SNX29: variants seen among roughly 807,000 people sequenced by gnomAD.
SNX29 encodes sorting nexin 29, also known as sorting nexin-29.
SNX29 carries 78 observed loss-of-function variants against 102.1 expected under a neutral mutation model. The observed-to-expected ratio is 0.76, with a 90% CI of 0.64 to 0.92. The LOEUF is 0.92. SNX29 is among the 40% of genes least tolerant of loss of function. The pLI, the probability that SNX29 is intolerant of heterozygous loss-of-function variation, is 0.00. For synonymous variants in SNX29, 580 were observed against 414.5 expected, an observed-to-expected ratio of 1.40 and a Z score of -4.85; for missense variants, 1,280 against 1,061.7, an observed-to-expected ratio of 1.21 and a Z score of -2.86.
intron 20 of SNX29, among the ~76,000 whole-genome samples, chr16:12,540,210 A>C (rs1172754336): frequency 3.3e-5 from 5 of 152,144 alleles, no homozygotes; most frequent in African/African-American, 9.7e-5. Context: ...GATTGGGTCA[A>C]GGTTAACCTA....
chr16:12,411,461 C>G (rs139765921), intron 18 of SNX29, among the ~76,000 whole-genome samples: 195 of 152,348 alleles, frequency 1.3e-3, no homozygotes, highest in African/African-American at 4.4e-3. Context: ...TAGGTGAAAA[C>G]AGAAAGCCAA....
intron 3 of SNX29, among the ~76,000 whole-genome samples, chr16:12,003,400 G>C (rs1007103606): frequency 2.0e-5 from 3 of 152,174 alleles, no homozygotes; most frequent in African/African-American, 7.2e-5. Flanking sequence ...ATAAAATATA[G>C]TGCATTAATG....
At chr16:12,425,959 G>C (rs1047026611) in intron 18 of SNX29, among the ~76,000 whole-genome samples, 1 of 152,142 alleles carries the variant, frequency 6.6e-6, no homozygotes, top group Admixed American at 6.5e-5. Flanking sequence ...CCATCACCCA[G>C]CCACAGCCTG....
rs562762628 is a variant in SNX29, at chr16:12,284,514, T to A, written c.1782+6478T>A. Reference sequence around the variant, plus strand: ...TATGTCCAAATGCTTTGCCCTGGTTTTGGTTCAGGGCTGGGTACATGACCT... The same window carrying A: ...TATGTCCAAATGCTTTGCCCTGGTTATGGTTCAGGGCTGGGTACATGACCT... On this transcript the variant is annotated intron_variant, in intron 15 of 20. Coordinates refer to ENST00000566228, the MANE Select transcript of SNX29 (RefSeq NM_032167.5). 3.9e-5 allele frequency among the ~76,000 whole-genome samples: 6 copies of A among 152,314 alleles called. No homozygotes were observed. In the South Asian group the frequency reaches 6.2e-4, roughly 16 times the overall value.
chr16:12,327,183 T>C (rs1447250023), intron 15 of SNX29, among the ~76,000 whole-genome samples: 3 of 152,132 alleles, frequency 2.0e-5, no homozygotes, highest in Non-Finnish European at 4.4e-5. Flanking sequence ...GTGTCAGTCA[T>C]GTTACTGTCT....
chr16:12,299,414 T>A (rs76241936), intron 15 of SNX29, among the ~76,000 whole-genome samples: 2,631 of 152,290 alleles, frequency 0.017, 97 homozygotes, highest in African/African-American at 0.06. Flanking sequence ...ATGGACGGTG[T>A]TTAGTTTGAT....
intron 18 of SNX29, among the ~76,000 whole-genome samples, chr16:12,452,105 G>A (rs1013306307): frequency 2.0e-4 from 30 of 152,164 alleles, no homozygotes; most frequent in African/African-American, 7.2e-4. Flanking sequence ...CCCACCCTGA[G>A]GGATTATCAT....
Position 12,161,362 on chromosome 16 carries a change from G to A in SNX29, c.1595+31604G>A, listed in dbSNP as rs534853173. ...GACCTCTGACTTATGGTTGGCTTTG[G>A]CCCATGTGGTCACTGGGAAGCTCTG... On this transcript the variant is annotated intron_variant, in intron 13 of 20. Coordinates refer to ENST00000566228, the MANE Select transcript of SNX29 (RefSeq NM_032167.5). Among the ~76,000 whole-genome samples, 11 of 152,280 alleles carry A rather than the reference G, an allele frequency of 7.2e-5. No homozygotes were observed. In the East Asian group the frequency reaches 1.9e-3, roughly 27 times the overall value.
intron 13 of SNX29, among the ~76,000 whole-genome samples, chr16:12,180,777 G>A (rs932423544): frequency 1.3e-5 from 2 of 152,108 alleles, no homozygotes; most frequent in African/African-American, 4.8e-5. Flanking sequence ...GAGCCACCTC[G>A]CCTGGCCCGT....
At chr16:12,533,162 C>G (rs1004883588) in intron 20 of SNX29, among the ~76,000 whole-genome samples, 1 of 152,242 alleles carries the variant, frequency 6.6e-6, no homozygotes. Flanking sequence ...CAGGGCCTCT[C>G]TCTGAACAAA....
intron 19 of SNX29, among the ~76,000 whole-genome samples, chr16:12,486,828 A>G (rs1489809463): frequency 1.3e-5 from 2 of 152,166 alleles, no homozygotes; most frequent in Non-Finnish European, 2.9e-5. Flanking sequence ...TAGAGTTGGG[A>G]GTGCTGCCCT....
chr16:11,977,130 G>C (rs552294682), intron 1 of SNX29: 15 of 333,476 alleles, frequency 4.5e-5, no homozygotes, highest in African/African-American at 1.9e-4. Flanking sequence ...CCAGTTCTGA[G>C]ACCTCCCAGG....
intron 15 of SNX29, among the ~76,000 whole-genome samples, chr16:12,309,475 G>C (rs2080459669): frequency 6.6e-6 from 1 of 152,112 alleles, no homozygotes; most frequent in African/African-American, 2.4e-5. Context: ...TGGCCCCTCT[G>C]TCTCATTTTT....
intron 4 of SNX29, among the ~76,000 whole-genome samples, chr16:12,038,082 T>C (rs1268168896): frequency 6.6e-6 from 1 of 152,238 alleles, no homozygotes; most frequent in Non-Finnish European, 1.5e-5. Context: ...GCACCAATTA[T>C]ATGCCAGGTA....
chr16:12,278,295 T>G (rs567167043), intron 15 of SNX29, among the ~76,000 whole-genome samples: 1 of 152,280 alleles, frequency 6.6e-6, no homozygotes, highest in Non-Finnish European at 1.5e-5. Flanking sequence ...TGTGTAACAT[T>G]AAAAATAAAA....
intron 14 of SNX29, 69 bp downstream of exon 14, chr16:12,199,752 A>G (rs551545038): frequency 4.5e-5 from 57 of 1,271,752 alleles, no homozygotes; most frequent in Non-Finnish European, 6.2e-5. Context: ...CGTGGCACGC[A>G]ATAGACACTC....
At chr16:12,456,506 C>T (rs943581228) in intron 18 of SNX29, among the ~76,000 whole-genome samples, 11 of 148,948 alleles carry the variant, frequency 7.4e-5, no homozygotes, top group Non-Finnish European at 1.2e-4. Context: ...CATGTGTGCA[C>T]GTGTGTGTGT....
At chr16:12,546,377 C>T (rs1446025661) in intron 20 of SNX29, 3 of 151,084 alleles carry the variant, frequency 2.0e-5, no homozygotes, top group Admixed American at 1.3e-4. Context: ...CTCACAATCA[C>T]CGTGGAAGGC....
In SNX29 at chr16:12,569,413, C is replaced by G. The variant is rs545360474; in HGVS notation, c.*784C>G. ...AGCCATCAGCAGCAACCTAGTAACC[C>G]GGCGTCATCCAGCGTGTCCAAAGTA... On this transcript the variant is annotated 3_prime_UTR_variant, in exon 21 of 21. Coordinates refer to ENST00000566228, the MANE Select transcript of SNX29 (RefSeq NM_032167.5). The G allele has an allele frequency of 4.3e-6, 1 of 230,648 alleles. No individual in the cohort carries two copies. Among genetic ancestry groups the G allele is most frequent in the African/African-American group, 2.2e-5 (1 of 45,150 alleles). The allele number at this position is 230,648 out of a possible 1,614,324, so 14.3% of individuals were successfully genotyped here. A position where few individuals can be genotyped will look rare whatever the true frequency, so the allele number is the denominator to read the frequency against.
Sources: allele counts gnomAD v4.1 joint callset (sites outside exome capture counted in the v4.1 genomes callset), GRCh38; gene constraint gnomAD v4.1.1; transcripts MANE v1.5; gene names NCBI Gene and HGNC (gene_info 2026-07-23, HGNC 2026-07-21).